The following EYS variants were observed in gnomAD, a reference collection of about 807,000 sequenced individuals.
EYS encodes protein eyes shut homolog.
Under a neutral mutation model 282.1 loss-of-function variants are expected in EYS, and 250 were observed. The ratio of observed to expected loss-of-function variants is 0.89; its 90% CI spans 0.80 to 0.98. EYS has a LOEUF of 0.98. EYS is among the 50% of genes least tolerant of loss of function. EYS has a pLI of 0.00. For missense variants in EYS, 4,016 were observed against 3,709.0 expected (o/e 1.08, Z -2.15); for synonymous variants, 1,355 against 1,282.9 (o/e 1.06, Z -1.20).
At chr6:65,343,966 C>T in intron 10 of EYS, 72 bp downstream of exon 10, 1 of 1,312,530 alleles carries the variant, frequency 7.6e-7, no homozygotes, top group Non-Finnish European at 1.1e-6. Flanking sequence ...CTAAACATTT[C>T]TAACTTTCTA....
chr6:65,236,672 T>C (rs545858703), intron 12 of EYS, among the ~76,000 whole-genome samples: 2 of 152,248 alleles, frequency 1.3e-5, no homozygotes, highest in South Asian at 2.1e-4. Flanking sequence ...ACCAAATATA[T>C]GCTTATAACA....
intron 29 of EYS, 80 bp from the exon 30 acceptor site, chr6:64,307,162 C>A: frequency 1.4e-6 from 1 of 709,662 alleles, no homozygotes; most frequent in South Asian, 1.8e-5. Context: ...TCAAACTGGT[C>A]AGGGTATGCA....
chr6:65,524,488 G>GA (rs1669422696), intron 2 of EYS, among the ~76,000 whole-genome samples: 1 of 152,158 alleles, frequency 6.6e-6, no homozygotes, highest in African/African-American at 2.4e-5. Context: ...TCATATACAT[G>GA]AAGCATATAC....
chr6:63,770,411 T>C (rs1397341897), intron 40 of EYS, among the ~76,000 whole-genome samples: 18 of 152,152 alleles, frequency 1.2e-4, no homozygotes, highest in Admixed American at 1.2e-3. Flanking sequence ...AAAAAAGTTC[T>C]GGTTATAGAT....
At chr6:64,801,814 G>A (rs1764238265) in intron 22 of EYS, among the ~76,000 whole-genome samples, 1 of 151,936 alleles carries the variant, frequency 6.6e-6, no homozygotes, top group African/African-American at 2.4e-5. Flanking sequence ...GGAGAAAGAA[G>A]GAAGTGGACA....
intron 12 of EYS, among the ~76,000 whole-genome samples, chr6:65,178,644 C>T (rs1765291918): frequency 6.6e-6 from 1 of 151,928 alleles, no homozygotes; most frequent in Non-Finnish European, 1.5e-5. Context: ...CAACATTAGA[C>T]AGATCAAAGA....
At chr6:64,175,217 C>T (rs1031578917) in intron 31 of EYS, among the ~76,000 whole-genome samples, 4 of 151,958 alleles carry the variant, frequency 2.6e-5, no homozygotes, top group African/African-American at 7.3e-5. Context: ...ATTTCTATGC[C>T]TCTATTTGAT....
chr6:65,322,505 G>A (rs1439427072), intron 11 of EYS, among the ~76,000 whole-genome samples: 1 of 152,048 alleles, frequency 6.6e-6, no homozygotes, highest in South Asian at 2.1e-4. Context: ...GGTGTAAGAA[G>A]TCCAGGCCAG....
At chr6:65,432,485 C>T (rs553003976) in intron 5 of EYS, among the ~76,000 whole-genome samples, 1 of 151,996 alleles carries the variant, frequency 6.6e-6, no homozygotes, top group African/African-American at 2.4e-5. Context: ...TGGGGTTGCT[C>T]AGGTATGGGT....
intron 2 of EYS, among the ~76,000 whole-genome samples, chr6:65,611,135 T>C (rs1309388451): frequency 6.6e-6 from 1 of 151,874 alleles, no homozygotes; most frequent in African/African-American, 2.4e-5. Flanking sequence ...TTTTCTCTTT[T>C]ATTTTTTGAA....
At chr6:64,964,102 A>G (rs1420655290) in intron 14 of EYS, among the ~76,000 whole-genome samples, 1 of 151,968 alleles carries the variant, frequency 6.6e-6, no homozygotes, top group East Asian at 1.9e-4. Context: ...TCACTATTAC[A>G]TATTTTTAAT....
intron 8 of EYS, among the ~76,000 whole-genome samples, chr6:65,357,039 C>T (rs1381526200): frequency 6.6e-6 from 1 of 151,720 alleles, no homozygotes; most frequent in Non-Finnish European, 1.5e-5. Flanking sequence ...ACTTAATGGC[C>T]TTTGGGAGGA....
At chr6:65,468,981 C>T (rs1765107572) in intron 5 of EYS, among the ~76,000 whole-genome samples, 1 of 151,910 alleles carries the variant, frequency 6.6e-6, no homozygotes, top group African/African-American at 2.4e-5. Flanking sequence ...CTTCTTTGAT[C>T]TAATGAATTT....
At chr6:65,606,833 T>C (rs1040648795) in intron 2 of EYS, among the ~76,000 whole-genome samples, 2 of 151,772 alleles carry the variant, frequency 1.3e-5, no homozygotes, top group Non-Finnish European at 3.0e-5. Flanking sequence ...AAGAGAAGTT[T>C]ACCAGTTTAC....
At chr6:64,970,995 G>A (rs1245325316) in intron 14 of EYS, among the ~76,000 whole-genome samples, 2 of 152,094 alleles carry the variant, frequency 1.3e-5, no homozygotes, top group Non-Finnish European at 2.9e-5. Flanking sequence ...CTTTTATGGA[G>A]ATTCAGGATT....
intron 26 of EYS, among the ~76,000 whole-genome samples, chr6:64,514,743 A>G (rs1293641531): frequency 6.6e-6 from 1 of 151,808 alleles, no homozygotes; most frequent in Non-Finnish European, 1.5e-5. Context: ...AACCCTGTCT[A>G]ATATAGCATC....
chr6:63,769,200 T>A (rs1284161795), intron 40 of EYS, among the ~76,000 whole-genome samples: 1 of 151,954 alleles, frequency 6.6e-6, no homozygotes, highest in African/African-American at 2.4e-5. Context: ...AACCTGCACA[T>A]GGACACCCTG....
chr6:64,285,443 C>T (rs1023143742), intron 30 of EYS, among the ~76,000 whole-genome samples: 1 of 152,168 alleles, frequency 6.6e-6, no homozygotes, highest in Non-Finnish European at 1.5e-5. Context: ...CATCTGAGAC[C>T]ACCTCAGCCT....
At chr6:63,957,558 GA>G (rs1340490825) in intron 35 of EYS, among the ~76,000 whole-genome samples, 1 of 141,104 alleles carries the variant, frequency 7.1e-6, no homozygotes, top group Admixed American at 7.6e-5. Context: ...TTTGTTGACA[GA>G]ATGAAGCTTG....
Sources: gnomAD v4.1 joint callset for allele counts (sites outside exome capture counted in the v4.1 genomes callset) on GRCh38, gnomAD v4.1.1 for gene constraint, MANE v1.5 for transcripts, NCBI Gene and HGNC (gene_info 2026-07-23, HGNC 2026-07-21) for gene names.